PRDM6: variants seen among roughly 807,000 people sequenced by gnomAD.
PRDM6 encodes the protein PR/SET domain 6.
Under a neutral mutation model 60.8 loss-of-function variants are expected in PRDM6, and 25 were observed. The observed-to-expected ratio is 0.41, with a 90% CI of 0.30 to 0.57. PRDM6 has a LOEUF of 0.57. PRDM6 is among the 20% of genes least tolerant of loss of function. The pLI, the probability that PRDM6 is intolerant of heterozygous loss-of-function variation, is 0.27. For missense variants in PRDM6, 839 were observed against 821.3 expected (o/e 1.02, Z -0.26); for synonymous variants, 407 against 357.4 (o/e 1.14, Z -1.57).
intron 3 of PRDM6, among the ~76,000 whole-genome samples, chr5:123,151,864 C>T (rs552889873): frequency 2.6e-5 from 4 of 152,166 alleles, no homozygotes; most frequent in South Asian, 2.1e-4. Flanking sequence ...CTCATCAACC[C>T]CTCATTTTTT....
chr5:123,142,732 A>G (rs1765134018), intron 3 of PRDM6, among the ~76,000 whole-genome samples: 1 of 152,076 alleles, frequency 6.6e-6, no homozygotes. Flanking sequence ...ACCTAAAAAT[A>G]TCTGTCTTAT....
intron 3 of PRDM6, among the ~76,000 whole-genome samples, chr5:123,155,489 G>T (rs1223845969): frequency 6.6e-6 from 1 of 151,970 alleles, no homozygotes; most frequent in South Asian, 2.1e-4. Flanking sequence ...GGGCAGTTGT[G>T]TGTTTGAGAC....
chr5:123,118,236 G>A (rs1392392175), intron 3 of PRDM6, among the ~76,000 whole-genome samples: 1 of 152,200 alleles, frequency 6.6e-6, no homozygotes, highest in African/African-American at 2.4e-5. Flanking sequence ...TTCAAGTTGG[G>A]ATAAATGGCA....
rs188360423 is a variant in PRDM6 at position 123,127,577 on chromosome 5, A to G, written c.900+27616A>G. ...GACTTAATCCCATTCAAGTTTTATTAACTTTTAAATCTATGCCTGGAACAT... is the reference window on the plus strand; with the variant it reads ...GACTTAATCCCATTCAAGTTTTATTGACTTTTAAATCTATGCCTGGAACAT... On this transcript the variant is annotated intron_variant, in intron 3 of 7. Coordinates refer to ENST00000407847, the MANE Select transcript of PRDM6 (RefSeq NM_001136239.4). Among the ~76,000 whole-genome samples the G allele has an allele frequency of 5.6e-4, 86 of 152,324 alleles. 1 individual carries two copies. In the East Asian group the frequency reaches 0.013, roughly 24 times the overall value.
intron 6 of PRDM6, among the ~76,000 whole-genome samples, chr5:123,171,755 G>C (rs1765893823): frequency 6.6e-6 from 1 of 152,190 alleles, no homozygotes; most frequent in African/African-American, 2.4e-5. Flanking sequence ...TTATGGCCAT[G>C]AACTGAGGAT....
chr5:123,179,902 C>T (rs568829539), intron 6 of PRDM6, among the ~76,000 whole-genome samples: 1 of 152,202 alleles, frequency 6.6e-6, no homozygotes, highest in African/African-American at 2.4e-5. Flanking sequence ...GTAGGGGTTT[C>T]CAAAATGGTA....
intron 3 of PRDM6, among the ~76,000 whole-genome samples, chr5:123,147,279 A>AAGAGAGAGAGAGAGAGAGAGAG (rs3036135): frequency 7.2e-4 from 106 of 147,568 alleles, no homozygotes; most frequent in African/African-American, 2.4e-3. Flanking sequence ...TGATACTAAA[A>AAGAGAGAGAGAGAGAGAGAGAG]AGAGAGAGAG....
intron 6 of PRDM6, among the ~76,000 whole-genome samples, chr5:123,179,036 T>A (rs950913849): frequency 1.3e-5 from 2 of 152,168 alleles, no homozygotes; most frequent in Non-Finnish European, 2.9e-5. Context: ...AACAAAAATT[T>A]TGATAAACAA....
In PRDM6 at chr5:123,192,056, C is replaced by T. The variant is rs186786; in HGVS notation, c.*4855C>T. The T allele has an allele frequency of 6.6e-6, 1 of 152,142 alleles. No individual in the cohort carries two copies. Among genetic ancestry groups the T allele is most frequent in the Non-Finnish European group, 1.5e-5 (1 of 68,050 alleles). 9.4% of individuals were successfully genotyped at this position (152,142 alleles called of 1,614,324 possible). A position where few individuals can be genotyped will look rare whatever the true frequency, so the allele number is the denominator to read the frequency against. On this transcript the variant is annotated 3_prime_UTR_variant, in exon 8 of 8. Coordinates refer to ENST00000407847, the MANE Select transcript of PRDM6 (RefSeq NM_001136239.4). ...TCATGAAACATTTGAATTGTCTTTC[C>T]TATAGACTGAATATGCCACCACTGC...
rs1422161801 is a variant in PRDM6 at position 123,187,553 on chromosome 5, G to A, written c.*352G>A. ...CGTATGGGTTCTTCTGCCCACCGTT[G>A]TGACTAAGAATGCACAGGGACTTGG... On this transcript the variant is annotated 3_prime_UTR_variant, in exon 8 of 8. Transcript: ENST00000407847. 1 of 209,292 alleles carries A rather than the reference G, an allele frequency of 4.8e-6. No homozygotes were observed. Among genetic ancestry groups the A allele is most frequent in the Non-Finnish European group, 9.8e-6 (1 of 102,020 alleles). 13.0% of individuals were successfully genotyped at this position (209,292 alleles called of 1,614,324 possible).
intron 2 of PRDM6, among the ~76,000 whole-genome samples, chr5:123,097,208 C>G (rs1763978725): frequency 6.6e-6 from 1 of 152,226 alleles, no homozygotes; most frequent in Admixed American, 6.5e-5. Context: ...ATTTTCCTAT[C>G]CAATCTCTTA....
At chr5:123,126,421 G>A (rs1228960108) in intron 3 of PRDM6, among the ~76,000 whole-genome samples, 3 of 150,378 alleles carry the variant, frequency 2.0e-5, no homozygotes, top group Admixed American at 6.6e-5. Context: ...AATTAATATA[G>A]CATCTCCTTA....
chr5:123,104,472 G>T (rs549558361), intron 3 of PRDM6, among the ~76,000 whole-genome samples: 4 of 151,956 alleles, frequency 2.6e-5, no homozygotes, highest in Non-Finnish European at 5.9e-5. Context: ...TCCATATTCT[G>T]CTTTATAGAC....
At chr5:123,185,310 A>G (rs1018963655) in intron 7 of PRDM6, among the ~76,000 whole-genome samples, 4 of 152,166 alleles carry the variant, frequency 2.6e-5, no homozygotes, top group Non-Finnish European at 5.9e-5. Flanking sequence ...CTAGAGCTTC[A>G]AGATAAAAAA....
chr5:123,174,223 T>C (rs1035853246), intron 6 of PRDM6, among the ~76,000 whole-genome samples: 1 of 152,232 alleles, frequency 6.6e-6, no homozygotes, highest in Non-Finnish European at 1.5e-5. Flanking sequence ...ATTTTGGATT[T>C]TGGAGCATTT....
intron 3 of PRDM6, among the ~76,000 whole-genome samples, chr5:123,112,447 C>T (rs1006509272): frequency 6.6e-6 from 1 of 152,218 alleles, no homozygotes; most frequent in Non-Finnish European, 1.5e-5. Context: ...CTTTTTCCCT[C>T]CTCGGCTTCC....
chr5:123,175,510 A>T (rs1319762580), intron 6 of PRDM6, among the ~76,000 whole-genome samples: 1 of 152,212 alleles, frequency 6.6e-6, no homozygotes, highest in Non-Finnish European at 1.5e-5. Context: ...CCAAGTGTGA[A>T]GGTTATCTTC....
Position 123,171,121 on chromosome 5 carries a change from C to G in PRDM6, c.1496+13C>G, listed in dbSNP as rs755662419. 34 of 1,514,350 alleles carry G rather than the reference C, an allele frequency of 2.2e-5. No homozygotes were observed. The highest frequency in any genetic ancestry group is 2.8e-5 in the Non-Finnish European group (32 of 1,125,906). 93.8% of individuals were successfully genotyped at this position (1,514,350 alleles called of 1,614,324 possible). A position where few individuals can be genotyped will look rare whatever the true frequency, so the allele number is the denominator to read the frequency against. On this transcript the variant is annotated intron_variant, in intron 6 of 7. Transcript: ENST00000407847. ...AGAACCCCGACAGGTAACCCTGACT[C>G]TCACTGCTGACAGTGTGTTTGCTTA...
chr5:123,104,246 A>C (rs541657196), intron 3 of PRDM6, among the ~76,000 whole-genome samples: 1 of 152,246 alleles, frequency 6.6e-6, no homozygotes, highest in Non-Finnish European at 1.5e-5. Flanking sequence ...TTTATATTTC[A>C]AAACCATCAT....
Sources: gnomAD v4.1 joint callset for allele counts (sites outside exome capture counted in the v4.1 genomes callset) on GRCh38, gnomAD v4.1.1 for gene constraint, MANE v1.5 for transcripts, NCBI Gene and HGNC (gene_info 2026-07-23, HGNC 2026-07-21) for gene names.